Variants in MAP7 observed in about 807,000 individuals in gnomAD.
MAP7 encodes the protein ensconsin.
Under a neutral mutation model 94.8 loss-of-function variants are expected in MAP7, and 52 were observed. That is an observed-to-expected ratio of 0.55 (90% CI 0.44 to 0.69). The LOEUF is 0.69. MAP7 is among the 30% of genes least tolerant of loss of function. MAP7 has a pLI of 0.00. For synonymous variants in MAP7, 350 were observed against 357.0 expected (o/e 0.98, Z 0.22); for missense variants, 940 against 964.6 (o/e 0.97, Z 0.34).
chr6:136,460,801 A>AT lies in MAP7; in HGVS notation c.68-39003dup, dbSNP rs201139162. On this transcript the variant is annotated intron_variant, in intron 1 of 17. Transcript: ENST00000354570. ...AGCAACATCCAAGGTGCATCTGAAGATTTTTTTTTTTAATTAACTGCTTTA... is the reference window on the plus strand; with the variant it reads ...AGCAACATCCAAGGTGCATCTGAAGATTTTTTTTTTTTAATTAACTGCTTTA... Among the ~76,000 whole-genome samples, 132 of 148,718 alleles carry AT rather than the reference A, an allele frequency of 8.9e-4. No individual in the cohort carries two copies. In the Middle Eastern group the frequency reaches 0.017, roughly 20 times the overall value.
intron 1 of MAP7, among the ~76,000 whole-genome samples, chr6:136,438,104 C>G (rs535323287): frequency 1.3e-5 from 2 of 152,128 alleles, no homozygotes; most frequent in African/African-American, 4.8e-5. Flanking sequence ...ACTGAAAACC[C>G]TTAACTGATA....
intron 1 of MAP7, among the ~76,000 whole-genome samples, chr6:136,515,428 G>A (rs1184336020): frequency 6.6e-6 from 1 of 152,170 alleles, no homozygotes; most frequent in African/African-American, 2.4e-5. Context: ...TGGCTGTTTG[G>A]CGCAAGAGGC....
chr6:136,458,263 A>C (rs1804008626), intron 1 of MAP7, among the ~76,000 whole-genome samples: 1 of 152,198 alleles, frequency 6.6e-6, no homozygotes, highest in Non-Finnish European at 1.5e-5. Flanking sequence ...AACGTTGATT[A>C]AAGAAATTTT....
intron 1 of MAP7, among the ~76,000 whole-genome samples, chr6:136,470,196 T>C (rs1186209055): frequency 1.3e-5 from 2 of 152,136 alleles, no homozygotes; most frequent in African/African-American, 4.8e-5. Flanking sequence ...TCTTTCCTGT[T>C]TCTCCCTCTT....
chr6:136,372,287 CA>C (rs1215979967), intron 8 of MAP7, among the ~76,000 whole-genome samples: 1 of 152,134 alleles, frequency 6.6e-6, no homozygotes, highest in Non-Finnish European at 1.5e-5. Context: ...TCTTCAAATT[CA>C]AATGTTTAGG....
intron 3 of MAP7, among the ~76,000 whole-genome samples, chr6:136,397,038 A>G (rs933241049): frequency 6.6e-6 from 1 of 152,214 alleles, no homozygotes; most frequent in Admixed American, 6.5e-5. Flanking sequence ...CTGTTATTGA[A>G]TTCCACTACT....
chr6:136,413,254 T>C (rs1273486021), intron 2 of MAP7, among the ~76,000 whole-genome samples: 2 of 152,044 alleles, frequency 1.3e-5, no homozygotes, highest in Admixed American at 1.3e-4. Flanking sequence ...ACAAGCTGGG[T>C]GCAGTGGCTC....
At chr6:136,509,768 G>A (rs1377859154) in intron 1 of MAP7, among the ~76,000 whole-genome samples, 2 of 152,132 alleles carry the variant, frequency 1.3e-5, no homozygotes, top group Admixed American at 6.5e-5. Context: ...TGTTGCCCAC[G>A]CTGGTGTTGA....
rs1156713868 is a variant in MAP7 at position 136,525,898 on chromosome 6, G to C, written c.67+24444C>G. The C allele has an allele frequency of 3.9e-6, 6 of 1,535,492 alleles. No individual in the cohort carries two copies. The East Asian group carries it at 1.5e-4, about 38-fold the overall frequency. ...TCCTCATTAATGGTGAATAAACCAA[G>C]AGGAATTGGCCTTGCATTGGTCTTC... On this transcript the variant is annotated intron_variant, in intron 1 of 17. Coordinates refer to ENST00000354570, the MANE Select transcript of MAP7 (RefSeq NM_003980.6).
chr6:136,407,432 T>C (rs1387340188), intron 3 of MAP7, among the ~76,000 whole-genome samples: 1 of 152,200 alleles, frequency 6.6e-6, no homozygotes, highest in Non-Finnish European at 1.5e-5. Context: ...CTAGGAAGCC[T>C]TTAAAACAGA....
At chr6:136,405,293 T>G (rs1034330432) in intron 3 of MAP7, among the ~76,000 whole-genome samples, 2 of 152,204 alleles carry the variant, frequency 1.3e-5, no homozygotes, top group Admixed American at 1.3e-4. Flanking sequence ...GTAAAATATC[T>G]ACATGCTTAG....
At chr6:136,429,509 A>G (rs1447172218) in intron 1 of MAP7, among the ~76,000 whole-genome samples, 2 of 152,252 alleles carry the variant, frequency 1.3e-5, no homozygotes, top group Non-Finnish European at 2.9e-5. Flanking sequence ...CTCTTTCCCA[A>G]GCAGTTAATA....
At chr6:136,508,709 G>A (rs1003029733) in intron 1 of MAP7, among the ~76,000 whole-genome samples, 1 of 152,144 alleles carries the variant, frequency 6.6e-6, no homozygotes, top group African/African-American at 2.4e-5. Context: ...CAAAACCCAG[G>A]ATGGTTTTCC....
intron 17 of MAP7, among the ~76,000 whole-genome samples, chr6:136,345,233 C>T (rs1247296510): frequency 6.6e-6 from 1 of 152,148 alleles, no homozygotes; most frequent in Non-Finnish European, 1.5e-5. Context: ...GTCAAAGAGA[C>T]ATTGTATAAG....
intron 3 of MAP7, among the ~76,000 whole-genome samples, chr6:136,404,407 A>G (rs1206201018): frequency 6.6e-6 from 1 of 152,032 alleles, no homozygotes; most frequent in Non-Finnish European, 1.5e-5. Context: ...GAAAAAAAAA[A>G]AAAGCCCCTC....
chr6:136,457,024 G>GTT (rs71009504), intron 1 of MAP7, among the ~76,000 whole-genome samples: 126 of 144,650 alleles, frequency 8.7e-4, no homozygotes, highest in Admixed American at 1.4e-3. Context: ...ATGAAACAAA[G>GTT]TTTTTTTTTT....
rs1171059105 is a variant in MAP7, at chr6:136,496,777, TAAAAAAAAAA to T, written c.67+53555_67+53564del. On this transcript the variant is annotated intron_variant, in intron 1 of 17. Transcript: ENST00000354570. ...CAACAAGGTGAAACCCCGTCTCTAC[TAAAAAAAAAA>T]AAAAAAAAAAAAAAAAATTAGCTAG... Among the ~76,000 whole-genome samples the T allele has an allele frequency of 7.3e-4, 39 of 53,320 alleles. No individual in the cohort carries two copies. In the South Asian group the frequency reaches 0.013, roughly 18 times the overall value. The allele number at this position is 53,320 out of a possible 152,430, so 35.0% of individuals were successfully genotyped here.
At position 136,460,885 on chromosome 6, in the gene MAP7, A is replaced by G. The variant is rs57496941; in HGVS notation, c.68-39086T>C. The stretch of plus-strand genomic sequence containing the variant: ...GGAATACAGCCCTCCACTAGACCCA[A>G]TGAGAACACATCATTTTCATTATAC... On this transcript the variant is annotated intron_variant, in intron 1 of 17. Transcript: ENST00000354570. Among the ~76,000 whole-genome samples the G allele has an allele frequency of 1.5e-3, 229 of 152,278 alleles. 6 individuals carry two copies. The East Asian group carries it at 0.042, about 28-fold the overall frequency.
intron 3 of MAP7, among the ~76,000 whole-genome samples, chr6:136,391,348 C>T (rs1451919057): frequency 1.5e-5 from 2 of 133,394 alleles, no homozygotes; most frequent in Non-Finnish European, 3.1e-5. Flanking sequence ...GGGAATTGAA[C>T]AATGAGATCA....
Sources: allele counts gnomAD v4.1 joint callset (sites outside exome capture counted in the v4.1 genomes callset), GRCh38; gene constraint gnomAD v4.1.1; transcripts MANE v1.5; gene names NCBI Gene and HGNC (gene_info 2026-07-23, HGNC 2026-07-21).